The following PMPCB variants were observed in gnomAD, a reference collection of about 807,000 sequenced individuals.
PMPCB encodes the protein mitochondrial-processing peptidase subunit beta.
A neutral mutation model predicts 61.5 loss-of-function variants in PMPCB; 46 were observed. The ratio of observed to expected loss-of-function variants is 0.75; its 90% CI spans 0.59 to 0.96. The LOEUF is 0.96. PMPCB is among the 40% of genes least tolerant of loss of function. The pLI, the probability that PMPCB is intolerant of heterozygous loss-of-function variation, is 0.00. For synonymous variants in PMPCB, 191 were observed against 201.6 expected, an observed-to-expected ratio of 0.95 and a Z score of 0.44; for missense variants, 590 against 602.4, an observed-to-expected ratio of 0.98 and a Z score of 0.22.
At chr7:103,343,313 C>T in the PMPCB span, among the ~76,000 whole-genome samples, 1 of 152,216 alleles carries the variant, frequency 6.6e-6, no homozygotes, top group East Asian at 1.9e-4. Flanking sequence ...CTCAAACTGT[C>T]TTAATTATTA....
intron 6 of PMPCB, 66 bp from the exon 7 acceptor site, chr7:103,307,530 C>T: frequency 2.2e-6 from 2 of 904,574 alleles, no homozygotes; most frequent in Non-Finnish European, 3.7e-6. Flanking sequence ...CACATTATAC[C>T]ACCTAGGGTT....
chr7:103,330,712 A>C (rs942837711), downstream of PMPCB, among the ~76,000 whole-genome samples: 8 of 150,356 alleles, frequency 5.3e-5, no homozygotes, highest in Non-Finnish European at 1.2e-4. Context: ...AGCCTCCCAA[A>C]GTGCTGGGAT....
chr7:103,341,662 G>T, the PMPCB span: 1 of 968,534 alleles, frequency 1.0e-6, no homozygotes, highest in Non-Finnish European at 1.5e-6. Context: ...TAGTTATCTT[G>T]CTGAATCATC....
chr7:103,327,983 C>T (rs909084818), intron 12 of PMPCB, among the ~76,000 whole-genome samples: 1 of 152,080 alleles, frequency 6.6e-6, no homozygotes, highest in African/African-American at 2.4e-5. Flanking sequence ...TGTAATGGCA[C>T]GATCTCGGCT....
At position 103,312,513 on chromosome 7, in the gene PMPCB, A is replaced by C. The variant is rs1040051024; in HGVS notation, c.*242A>C. ...TACCATGAGTATAATTTTAAGAATGAAAATGTTTACAGTATTTTCAGTTTT... is the reference window on the plus strand; with the variant it reads ...TACCATGAGTATAATTTTAAGAATGCAAATGTTTACAGTATTTTCAGTTTT... On this transcript the variant is annotated 3_prime_UTR_variant, in exon 13 of 13. Coordinates refer to ENST00000249269, the MANE Select transcript of PMPCB (RefSeq NM_004279.3). 42 of 1,584,296 alleles carry C rather than the reference A, an allele frequency of 2.7e-5. No homozygotes were observed. The highest frequency in any genetic ancestry group is 3.4e-5 in the Non-Finnish European group (40 of 1,169,632).
intron 12 of PMPCB, chr7:103,327,592 A>C: frequency 9.0e-7 from 1 of 1,106,340 alleles, no homozygotes; most frequent in Non-Finnish European, 1.3e-6. Context: ...TAAGAAACCC[A>C]ATCCCAGCAA....
chr7:103,334,606 A>T, the PMPCB span, among the ~76,000 whole-genome samples: 10 of 151,144 alleles, frequency 6.6e-5, no homozygotes, highest in East Asian at 3.9e-4. Context: ...TTGAAAAAAA[A>T]TTTTTTTAAT....
the PMPCB span, chr7:103,341,788 T>C: frequency 6.3e-7 from 1 of 1,591,918 alleles, no homozygotes; most frequent in Non-Finnish European, 8.5e-7. Context: ...GATCAAGTGT[T>C]TTCAGCATGG....
chr7:103,321,710 G>A (rs889878682), intron 12 of PMPCB, among the ~76,000 whole-genome samples: 5 of 152,036 alleles, frequency 3.3e-5, no homozygotes, highest in African/African-American at 4.8e-5. Flanking sequence ...TTAGCCAGGC[G>A]TGGTGGCACA....
At chr7:103,341,996 G>C in the PMPCB span, 1 of 1,389,524 alleles carries the variant, frequency 7.2e-7, no homozygotes, top group Non-Finnish European at 9.6e-7. Context: ...TGTATCGCAT[G>C]GAATAAATAT....
chr7:103,313,725 T>G lies in PMPCB; in HGVS notation c.*1454T>G, dbSNP rs1817887864. ...ACACTTCCAATAACTGCTATTGTGG[T>G]TCTTCAACTAAACCTTGTATATTTC... On this transcript the variant is annotated 3_prime_UTR_variant, in exon 13 of 13. Coordinates refer to ENST00000249269, the MANE Select transcript of PMPCB (RefSeq NM_004279.3). 4 of 985,404 alleles carry G rather than the reference T, an allele frequency of 4.1e-6. No individual in the cohort carries two copies. Among genetic ancestry groups the G allele is most frequent in the Non-Finnish European group, 3.6e-6 (3 of 829,884 alleles). The allele number at this position is 985,404 out of a possible 1,614,324, so 61.0% of individuals were successfully genotyped here.
At chr7:103,315,902 A>C (rs757099021), downstream of PMPCB, 14 of 1,555,830 alleles carry the variant, frequency 9.0e-6, no homozygotes, top group Non-Finnish European at 1.2e-5. Flanking sequence ...AATACTTAAC[A>C]GATCATCATT....
the PMPCB span, chr7:103,344,605 G>A: frequency 6.2e-7 from 1 of 1,612,186 alleles, no homozygotes; most frequent in African/African-American, 1.3e-5. Flanking sequence ...CGTCCGCGGC[G>A]CTTGGCAGAA....
chr7:103,306,176 A>C lies in PMPCB; in HGVS notation c.737-1420A>C, dbSNP rs1817570344. Among the ~76,000 whole-genome samples, 3 of 152,166 alleles carry C rather than the reference A, an allele frequency of 2.0e-5. No homozygotes were observed. The South Asian group carries it at 6.2e-4, about 32-fold the overall frequency. On this transcript the variant is annotated intron_variant, in intron 6 of 12. Coordinates refer to ENST00000249269, the MANE Select transcript of PMPCB (RefSeq NM_004279.3). The stretch of plus-strand genomic sequence containing the variant: ...TTCTAGGCTAATCATCAGGATGTAT[A>C]GCTTTTATTTGCCAAATAGTTTTTT...
At chr7:103,341,482 C>A in the PMPCB span, among the ~76,000 whole-genome samples, 1 of 152,144 alleles carries the variant, frequency 6.6e-6, no homozygotes, top group Non-Finnish European at 1.5e-5. Context: ...ACTCCTTCTG[C>A]CCAGAATACT....
intron 12 of PMPCB, among the ~76,000 whole-genome samples, chr7:103,320,595 C>T (rs992177260): frequency 6.6e-6 from 1 of 151,202 alleles, no homozygotes; most frequent in Non-Finnish European, 1.5e-5. Context: ...CCCGTCTCTA[C>T]TAAAAATCCA....
chr7:103,347,159 G>A, the PMPCB span, among the ~76,000 whole-genome samples: 2 of 152,180 alleles, frequency 1.3e-5, no homozygotes, highest in African/African-American at 2.4e-5. Flanking sequence ...AGCAGCACAT[G>A]CAAGGGTTGG....
the PMPCB span, chr7:103,337,741 G>T: frequency 6.2e-7 from 1 of 1,612,090 alleles, no homozygotes; most frequent in African/African-American, 1.3e-5. Context: ...CTTACGAGCT[G>T]CTTTGATCTG....
chr7:103,334,655 C>T, the PMPCB span, among the ~76,000 whole-genome samples: 3 of 151,648 alleles, frequency 2.0e-5, no homozygotes, highest in Non-Finnish European at 4.4e-5. Flanking sequence ...GCTATGTTGT[C>T]CAGGTTGGTC....
Sources: gnomAD v4.1 joint callset for allele counts (sites outside exome capture counted in the v4.1 genomes callset) on GRCh38, gnomAD v4.1.1 for gene constraint, MANE v1.5 for transcripts, NCBI Gene and HGNC (gene_info 2026-07-23, HGNC 2026-07-21) for gene names.